Variants in CFAP77 observed in about 807,000 individuals in gnomAD.
The protein encoded by CFAP77 is cilia and flagella associated protein 77.
Under a neutral mutation model 31.1 loss-of-function variants are expected in CFAP77, and 25 were observed. The ratio of observed to expected loss-of-function variants is 0.80; its 90% CI spans 0.59 to 1.12. The LOEUF (loss-of-function observed/expected upper bound fraction) is 1.12, where lower values mean the gene tolerates loss of function less well. CFAP77 is among the 50% of genes most tolerant of loss of function. CFAP77 has a pLI of 0.00. For missense variants in CFAP77, 377 were observed against 397.3 expected, an observed-to-expected ratio of 0.95 and a Z score of 0.44; for synonymous variants, 151 against 159.9, an observed-to-expected ratio of 0.94 and a Z score of 0.42.
At chr9:132,533,728 A>G (rs1305304265) in intron 3 of CFAP77, among the ~76,000 whole-genome samples, 1 of 152,186 alleles carries the variant, frequency 6.6e-6, no homozygotes, top group African/African-American at 2.4e-5. Context: ...TAAAAATGCA[A>G]AAATTAGCTG....
intron 5 of CFAP77, among the ~76,000 whole-genome samples, chr9:132,555,508 C>A (rs553443621): frequency 6.6e-6 from 1 of 152,142 alleles, no homozygotes; most frequent in Non-Finnish European, 1.5e-5. Context: ...GACTGTCAAC[C>A]GAGGAACCAT....
At chr9:132,476,155 G>A (rs997034970) in intron 1 of CFAP77, among the ~76,000 whole-genome samples, 4 of 152,192 alleles carry the variant, frequency 2.6e-5, no homozygotes, top group African/African-American at 9.7e-5. Flanking sequence ...TGGCCTGTAA[G>A]ACTTCCCTTG....
intron 3 of CFAP77, among the ~76,000 whole-genome samples, chr9:132,521,693 C>T (rs570082978): frequency 2.7e-5 from 4 of 149,362 alleles, no homozygotes; most frequent in South Asian, 2.1e-4. Context: ...TGGAGACCCT[C>T]GAGAATCATG....
intron 3 of CFAP77, among the ~76,000 whole-genome samples, chr9:132,531,797 G>A (rs1852458435): frequency 6.6e-6 from 1 of 152,136 alleles, no homozygotes; most frequent in South Asian, 2.1e-4. Context: ...TGGGGCCGTT[G>A]GGACTCCCAG....
intron 3 of CFAP77, among the ~76,000 whole-genome samples, chr9:132,530,405 A>G (rs1852421971): frequency 6.6e-6 from 1 of 151,524 alleles, no homozygotes; most frequent in African/African-American, 2.4e-5. Flanking sequence ...CCTCTTGATT[A>G]GCTGGGATTA....
intron 3 of CFAP77, among the ~76,000 whole-genome samples, chr9:132,533,816 G>A (rs1345210156): frequency 6.6e-6 from 1 of 152,188 alleles, no homozygotes; most frequent in Non-Finnish European, 1.5e-5. Context: ...AGGAGGTGGA[G>A]GTTGCAGTGA....
chr9:132,566,848 G>A (rs531331751), intron 5 of CFAP77, among the ~76,000 whole-genome samples: 2 of 152,252 alleles, frequency 1.3e-5, no homozygotes, highest in East Asian at 3.9e-4. Flanking sequence ...AGTCCTTCCA[G>A]GGCACATTCA....
At chr9:132,569,626 C>G (rs1829928871) in intron 5 of CFAP77, among the ~76,000 whole-genome samples, 1 of 151,960 alleles carries the variant, frequency 6.6e-6, no homozygotes, top group Non-Finnish European at 1.5e-5. Flanking sequence ...CACTGAAGGC[C>G]AGGGGTGCCT....
At chr9:132,439,575 G>A (rs1437731896) in intron 1 of CFAP77, among the ~76,000 whole-genome samples, 2 of 152,030 alleles carry the variant, frequency 1.3e-5, no homozygotes, top group East Asian at 1.9e-4. Context: ...GGCCGGGAGT[G>A]GTGGCTCACA....
chr9:132,440,096 C>T (rs559927650), intron 1 of CFAP77, among the ~76,000 whole-genome samples: 48 of 152,080 alleles, frequency 3.2e-4, no homozygotes, highest in African/African-American at 1.1e-3. Context: ...TCTGGGAGGC[C>T]GAGGCGAGGG....
At chr9:132,543,068 C>T in intron 5 of CFAP77, 21 bp downstream of exon 5, 2 of 1,596,384 alleles carry the variant, frequency 1.3e-6, no homozygotes, top group African/African-American at 1.3e-5. Flanking sequence ...CCTTCATCCA[C>T]ACCCCTCCCT....
At chr9:132,529,396 T>C (rs550470034) in intron 3 of CFAP77, among the ~76,000 whole-genome samples, 3 of 136,954 alleles carry the variant, frequency 2.2e-5, no homozygotes, top group East Asian at 2.2e-4. Flanking sequence ...TTGGGAGATA[T>C]ACCTAATGCT....
At chr9:132,444,503 C>A (rs887326853) in intron 1 of CFAP77, among the ~76,000 whole-genome samples, 1 of 152,202 alleles carries the variant, frequency 6.6e-6, no homozygotes, top group Non-Finnish European at 1.5e-5. Context: ...CATGGCCCGC[C>A]TCCAGGGCCC....
chr9:132,452,225 G>A (rs1850840532), intron 1 of CFAP77, among the ~76,000 whole-genome samples: 1 of 152,212 alleles, frequency 6.6e-6, no homozygotes, highest in African/African-American at 2.4e-5. Flanking sequence ...GTGTGCCCTT[G>A]TGGGGAAGGT....
intron 1 of CFAP77, among the ~76,000 whole-genome samples, chr9:132,489,237 T>C (rs1357968432): frequency 6.6e-6 from 1 of 152,086 alleles, no homozygotes. Context: ...AATTCAGACA[T>C]AAGAAATGAG....
chr9:132,439,798 G>A (rs1231938702), intron 1 of CFAP77, among the ~76,000 whole-genome samples: 2 of 146,766 alleles, frequency 1.4e-5, no homozygotes, highest in African/African-American at 2.5e-5. Context: ...GTAGTGAGCC[G>A]AGATCGTGCC....
intron 1 of CFAP77, among the ~76,000 whole-genome samples, chr9:132,463,587 G>T (rs141246057): frequency 6.6e-6 from 1 of 152,140 alleles, no homozygotes; most frequent in Non-Finnish European, 1.5e-5. Flanking sequence ...GCCTGGCCCC[G>T]GTGGAAGACC....
chr9:132,531,335 C>T lies in CFAP77; in HGVS notation c.525-6266C>T, dbSNP rs118115557. On this transcript the variant is annotated intron_variant, in intron 3 of 5. Coordinates refer to ENST00000393216, the MANE Select transcript of CFAP77 (RefSeq NM_001282957.2). Reference sequence around the variant, plus strand: ...GTTGGTGGCCAATGGCCAAGACCTGCTGTAAATCAGCAAACAAACCAATGA... The same window carrying T: ...GTTGGTGGCCAATGGCCAAGACCTGTTGTAAATCAGCAAACAAACCAATGA... Among the ~76,000 whole-genome samples, 901 of 152,292 alleles carry T rather than the reference C, an allele frequency of 5.9e-3. 3 individuals carry two copies. The highest frequency in any genetic ancestry group is 0.01 in the Non-Finnish European group (691 of 68,018).
At chr9:132,486,814 C>A (rs904217178) in intron 1 of CFAP77, among the ~76,000 whole-genome samples, 1 of 152,372 alleles carries the variant, frequency 6.6e-6, no homozygotes, top group Non-Finnish European at 1.5e-5. Context: ...CATGTAAATG[C>A]AAATGAAGGA....
Sources: gnomAD v4.1 joint callset for allele counts (sites outside exome capture counted in the v4.1 genomes callset) on GRCh38, gnomAD v4.1.1 for gene constraint, MANE v1.5 for transcripts, NCBI Gene and HGNC (gene_info 2026-07-23, HGNC 2026-07-21) for gene names.